The following RBFOX2 variants were observed in gnomAD, a reference collection of about 807,000 sequenced individuals.
RBFOX2 encodes the protein RNA binding protein fox-1 homolog 2.
In RBFOX2, 10 loss-of-function variants were observed where a neutral mutation model predicts 49.1. The observed-to-expected ratio is 0.20, with a 90% CI of 0.13 to 0.35. The LOEUF is 0.35. Ranked by LOEUF, RBFOX2 falls within the 10% of genes least tolerant of loss-of-function variation. The probability of loss-of-function intolerance (pLI) is 1.00; values close to 1 mark genes in which losing one functional copy is unlikely to be tolerated. For missense variants in RBFOX2, 323 were observed against 486.9 expected (o/e 0.66, Z 3.17); for synonymous variants, 183 against 187.4 (o/e 0.98, Z 0.19).
chr22:35,977,263 C>G (rs2057218892), intron 1 of RBFOX2, among the ~76,000 whole-genome samples: 1 of 152,076 alleles, frequency 6.6e-6, no homozygotes, highest in African/African-American at 2.4e-5. Flanking sequence ...CTTTGGGAAA[C>G]AGTTTGGCAG....
upstream of RBFOX2, among the ~76,000 whole-genome samples, chr22:35,942,290 T>C (rs62232602): frequency 0.2 from 29,780 of 152,052 alleles, 3,774 homozygotes; most frequent in East Asian, 0.28. Context: ...GATGAGTCAA[T>C]AGATACTCTC....
intron 1 of RBFOX2, among the ~76,000 whole-genome samples, chr22:35,928,669 A>G (rs1279797119): frequency 2.6e-5 from 4 of 152,226 alleles, no homozygotes; most frequent in East Asian, 1.9e-4. Context: ...ACAAAACCTC[A>G]TAACTGAGAA....
At chr22:35,853,306 A>T (rs1389467136) in intron 1 of RBFOX2, among the ~76,000 whole-genome samples, 1 of 151,684 alleles carries the variant, frequency 6.6e-6, no homozygotes, top group Non-Finnish European at 1.5e-5. Flanking sequence ...AAAAAAAAAA[A>T]AAGAAAGAAA....
chr22:35,968,608 A>T (rs2056698881), intron 1 of RBFOX2, among the ~76,000 whole-genome samples: 1 of 152,214 alleles, frequency 6.6e-6, no homozygotes. Context: ...CTCTGATGCA[A>T]AACAACAGAC....
chr22:35,778,290 T>C (rs765315149), intron 3 of RBFOX2, among the ~76,000 whole-genome samples: 14 of 152,236 alleles, frequency 9.2e-5, no homozygotes, highest in Admixed American at 2.6e-4. Context: ...GTGGAAGCTG[T>C]TGTCCAAAGT....
At chr22:35,740,031 G>A (rs1929072589) in exon 12 of RBFOX2, 1 of 152,660 alleles carries the variant, frequency 6.6e-6, no homozygotes, top group South Asian at 2.1e-4. Flanking sequence ...CAATACTTCA[G>A]GAACCCCCTC....
intron 1 of RBFOX2, chr22:35,822,717 G>A (rs73159795): frequency 0.017 from 6,643 of 385,780 alleles, 84 homozygotes; most frequent in Middle Eastern, 0.026. Context: ...GAGACTAAAG[G>A]AAGAGGTGCC....
chr22:36,001,415 A>G (rs2058420210), intron 1 of RBFOX2, among the ~76,000 whole-genome samples: 1 of 152,200 alleles, frequency 6.6e-6, no homozygotes, highest in South Asian at 2.1e-4. Context: ...TGACAAAAGA[A>G]ATATAAATGA....
Position 35,834,541 on chromosome 22 carries a change from A to G in RBFOX2, c.27+5651T>C, listed in dbSNP as rs1957323686. 3.3e-5 allele frequency among the ~76,000 whole-genome samples: 5 copies of G among 152,168 alleles called. No homozygotes were observed. In the South Asian group the frequency reaches 8.3e-4, roughly 25 times the overall value. On this transcript the variant is annotated intron_variant, in intron 1 of 11. Transcript: ENST00000405409. ...AATCAGTGACAAGTGAAGACAAAGC[A>G]GAATGAAGGTAGGAGTGATGAGGGA... is the stretch of plus-strand genomic sequence containing the variant.
chr22:35,902,247 A>G (rs1265063614), intron 1 of RBFOX2, among the ~76,000 whole-genome samples: 3 of 151,910 alleles, frequency 2.0e-5, no homozygotes, highest in Admixed American at 6.6e-5. Context: ...CCACTTTTCC[A>G]TTATCTACCC....
chr22:35,907,722 A>G (rs2049286824), intron 1 of RBFOX2, among the ~76,000 whole-genome samples: 1 of 151,930 alleles, frequency 6.6e-6, no homozygotes, highest in Admixed American at 6.6e-5. Flanking sequence ...ACTCCAGCTC[A>G]CTGCAACCTT....
intron 1 of RBFOX2, among the ~76,000 whole-genome samples, chr22:35,882,016 A>G (rs952006409): frequency 7.2e-5 from 11 of 152,020 alleles, no homozygotes; most frequent in Non-Finnish European, 5.9e-5. Flanking sequence ...ATGAAAAGAA[A>G]AGAAAACTTA....
At chr22:35,778,130 T>C (rs772439905) in intron 3 of RBFOX2, 52 bp from the exon 5 acceptor site, 4 of 1,411,322 alleles carry the variant, frequency 2.8e-6, no homozygotes, top group Admixed American at 3.8e-5. Flanking sequence ...TTTATCCACA[T>C]ATTTTGTTAT....
At chr22:35,971,915 A>T in intron 1 of RBFOX2, among the ~76,000 whole-genome samples, 1 of 122,208 alleles carries the variant, frequency 8.2e-6, no homozygotes. Flanking sequence ...TTCTCCCTAA[A>T]AAAAAAAAAA....
chr22:35,744,018 G>T (rs964522500), exon 12 of RBFOX2: 8 of 463,470 alleles, frequency 1.7e-5, no homozygotes, highest in Middle Eastern at 4.8e-4. Context: ...AAATTTAAAG[G>T]AAAAATACAT....
rs377283218 is a variant in RBFOX2 at position 35,757,411 on chromosome 22, G to T, written c.887+2477C>A. On this transcript the variant is annotated intron_variant, in intron 9 of 11. Coordinates refer to ENST00000405409, the Ensembl canonical transcript of RBFOX2. ...TTCTTCTTCATCTCTGTGAAGTCAA[G>T]ATCAGATTGTTTTAATTTAGATGAT... is the stretch of plus-strand genomic sequence containing the variant. 2.4e-4 allele frequency among the ~76,000 whole-genome samples: 36 copies of T among 152,186 alleles called. No homozygotes were observed. The East Asian group carries it at 5.2e-3, about 22-fold the overall frequency.
intron 1 of RBFOX2, among the ~76,000 whole-genome samples, chr22:35,977,483 A>AT: frequency 6.6e-6 from 1 of 152,184 alleles, no homozygotes; most frequent in Admixed American, 6.5e-5. Context: ...TTCCATTTAT[A>AT]TAACATTTTA....
chr22:35,869,714 C>T (rs781583421), intron 1 of RBFOX2, among the ~76,000 whole-genome samples: 5 of 152,110 alleles, frequency 3.3e-5, no homozygotes, highest in Non-Finnish European at 5.9e-5. Context: ...TGGTCATGTC[C>T]AAATTTTTCT....
chr22:35,811,657 G>T (rs1951888991), intron 1 of RBFOX2, among the ~76,000 whole-genome samples: 1 of 152,076 alleles, frequency 6.6e-6, no homozygotes, highest in Non-Finnish European at 1.5e-5. Context: ...AAAATAAATT[G>T]CTTTACATAA....
Sources: allele counts gnomAD v4.1 joint callset (sites outside exome capture counted in the v4.1 genomes callset), GRCh38; gene constraint gnomAD v4.1.1; transcripts MANE v1.5; gene names NCBI Gene and HGNC (gene_info 2026-07-23, HGNC 2026-07-21).